TMEM232: variants seen among roughly 807,000 people sequenced by gnomAD.
The protein encoded by TMEM232 is transmembrane protein 232.
TMEM232 carries 80 observed loss-of-function variants against 78.8 expected under a neutral mutation model. The observed-to-expected ratio is 1.01, with a 90% CI of 0.85 to 1.22. The LOEUF (loss-of-function observed/expected upper bound fraction) is 1.22, where lower values mean the gene tolerates loss of function less well. TMEM232 is among the 50% of genes most tolerant of loss of function. TMEM232 has a pLI of 0.00. For missense variants in TMEM232, 881 were observed against 742.2 expected (o/e 1.19, Z -2.17); for synonymous variants, 297 against 254.3 (o/e 1.17, Z -1.60).
In TMEM232 at chr5:110,718,678, A is replaced by G. The variant is rs1797271595; in HGVS notation, c.-13+7949T>C. ...GTTTTTTGCCATTATCTCCTTGAAT[A>G]TTTTTTATACTCCTTTCTCTTTCTC... On this transcript the variant is annotated intron_variant, in intron 1 of 13. Coordinates refer to ENST00000455884, the MANE Select transcript of TMEM232 (RefSeq NM_001039763.4). 2.0e-5 allele frequency among the ~76,000 whole-genome samples: 3 copies of G among 151,964 alleles called. No homozygotes were observed. In the South Asian group the frequency reaches 6.2e-4, roughly 32 times the overall value.
chr5:110,679,999 G>T (rs980278755), intron 1 of TMEM232, among the ~76,000 whole-genome samples: 30 of 152,206 alleles, frequency 2.0e-4, no homozygotes, highest in Middle Eastern at 3.4e-3. Flanking sequence ...TCATATGTCT[G>T]CTGATTCCTT....
intron 2 of TMEM232, among the ~76,000 whole-genome samples, chr5:110,650,768 G>C (rs1444265215): frequency 6.6e-6 from 1 of 151,882 alleles, no homozygotes; most frequent in Non-Finnish European, 1.5e-5. Context: ...TCCTGGAACA[G>C]AAAAAAGGAA....
intron 12 of TMEM232, among the ~76,000 whole-genome samples, chr5:110,446,736 A>G (rs1759688104): frequency 6.6e-6 from 1 of 152,208 alleles, no homozygotes. Flanking sequence ...ATTGTGAGGT[A>G]CATTAGAAAT....
At chr5:110,610,074 T>C (rs1334540280) in intron 8 of TMEM232, among the ~76,000 whole-genome samples, 1 of 151,872 alleles carries the variant, frequency 6.6e-6, no homozygotes, top group Non-Finnish European at 1.5e-5. Flanking sequence ...AATTAAAATG[T>C]AAAAATATAA....
intron 11 of TMEM232, among the ~76,000 whole-genome samples, chr5:110,542,997 C>A (rs1297192807): frequency 2.6e-5 from 4 of 152,140 alleles, no homozygotes; most frequent in African/African-American, 9.7e-5. Context: ...TTGCTCAAGC[C>A]TGCTCCCACC....
At chr5:110,702,505 G>A (rs1455974998) in intron 1 of TMEM232, among the ~76,000 whole-genome samples, 1 of 151,990 alleles carries the variant, frequency 6.6e-6, no homozygotes, top group Non-Finnish European at 1.5e-5. Context: ...TCTGTTAGCA[G>A]ACTGGATTCT....
chr5:110,483,256 A>G (rs1010700796), intron 12 of TMEM232, among the ~76,000 whole-genome samples: 5 of 152,136 alleles, frequency 3.3e-5, no homozygotes, highest in African/African-American at 1.2e-4. Context: ...ATTTTTTATA[A>G]GTTATAATAT....
At chr5:110,694,926 T>G (rs996066807) in intron 1 of TMEM232, among the ~76,000 whole-genome samples, 9 of 152,268 alleles carry the variant, frequency 5.9e-5, no homozygotes, top group South Asian at 4.1e-4. Context: ...ATCCTGGAAT[T>G]GAACACAGCT....
At position 110,715,346 on chromosome 5, in the gene TMEM232, C is replaced by A. The variant is rs1010404628; in HGVS notation, c.-13+11281G>T. Among the ~76,000 whole-genome samples, 3 of 151,454 alleles carry A rather than the reference C, an allele frequency of 2.0e-5. No homozygotes were observed. In the South Asian group the frequency reaches 6.3e-4, roughly 32 times the overall value. Reference sequence around the variant, plus strand: ...AATTAAAAGGACTAAGAAAAGCAAGCAAAAGTATAGAGACTAAATGTAAAT... The same window carrying A: ...AATTAAAAGGACTAAGAAAAGCAAGAAAAAGTATAGAGACTAAATGTAAAT... On this transcript the variant is annotated intron_variant, in intron 1 of 13. Coordinates refer to ENST00000455884, the MANE Select transcript of TMEM232 (RefSeq NM_001039763.4).
chr5:110,557,821 A>C (rs1335223645), intron 11 of TMEM232, among the ~76,000 whole-genome samples: 14 of 152,150 alleles, frequency 9.2e-5, no homozygotes, highest in Admixed American at 7.9e-4. Flanking sequence ...ACAATTGAAC[A>C]TGAGACTTGG....
chr5:110,582,387 C>T (rs1581296704), intron 10 of TMEM232, among the ~76,000 whole-genome samples: 1 of 151,836 alleles, frequency 6.6e-6, no homozygotes, highest in Admixed American at 6.6e-5. Context: ...AAACCATTAT[C>T]CCAAGCAAAT....
chr5:110,635,642 A>G (rs1048413315), intron 5 of TMEM232, among the ~76,000 whole-genome samples: 9 of 152,082 alleles, frequency 5.9e-5, no homozygotes, highest in African/African-American at 2.2e-4. Context: ...TTCATGATAA[A>G]AAGTCTCCAG....
chr5:110,430,896 CA>C (rs1348905278), intron 12 of TMEM232, among the ~76,000 whole-genome samples: 5 of 151,540 alleles, frequency 3.3e-5, no homozygotes, highest in African/African-American at 1.2e-4. Context: ...TTTGAAAGGC[CA>C]ATGTATCAGA....
At chr5:110,722,442 G>T (rs1797738736) in intron 1 of TMEM232, among the ~76,000 whole-genome samples, 2 of 152,228 alleles carry the variant, frequency 1.3e-5, no homozygotes, top group East Asian at 3.9e-4. Flanking sequence ...GAGTTGACTA[G>T]GATTGTAGGA....
chr5:110,607,359 A>G (rs1327733309), intron 8 of TMEM232, among the ~76,000 whole-genome samples: 2 of 151,896 alleles, frequency 1.3e-5, no homozygotes, highest in Non-Finnish European at 2.9e-5. Context: ...CTGTCTTGCA[A>G]TTCTGCTTTT....
chr5:110,453,165 A>C (rs1355065863), intron 12 of TMEM232, among the ~76,000 whole-genome samples: 1 of 152,096 alleles, frequency 6.6e-6, no homozygotes, highest in African/African-American at 2.4e-5. Flanking sequence ...TTTATAACTT[A>C]TTTTTGGCCC....
Position 110,642,382 on chromosome 5 carries a change from C to T in TMEM232, c.126-11G>A. On this transcript the variant is annotated splice_polypyrimidine_tract_variant and intron_variant, in intron 2 of 13. Transcript: ENST00000455884. ...ATTGAAAATGTTGGCCTAAATAAAA[C>T]ATTGAAAAATTAACATTTAAAAAGT... 6.8e-7 allele frequency: 1 copy of T among 1,480,604 alleles called. No homozygotes were observed. Among genetic ancestry groups the T allele is most frequent in the Non-Finnish European group, 9.0e-7 (1 of 1,116,396 alleles). 91.7% of individuals were successfully genotyped at this position (1,480,604 alleles called of 1,614,324 possible).
chr5:110,711,042 G>A (rs1033338170), intron 1 of TMEM232, among the ~76,000 whole-genome samples: 3 of 152,132 alleles, frequency 2.0e-5, no homozygotes, highest in Non-Finnish European at 2.9e-5. Flanking sequence ...AAAACGATTA[G>A]AACTGACGAA....
chr5:110,427,201 G>A (rs1372105078), intron 12 of TMEM232, among the ~76,000 whole-genome samples: 1 of 151,784 alleles, frequency 6.6e-6, no homozygotes, highest in Non-Finnish European at 1.5e-5. Context: ...AGCAAATTCT[G>A]GTTTTACTAC....
Sources: allele counts gnomAD v4.1 joint callset (sites outside exome capture counted in the v4.1 genomes callset), GRCh38; gene constraint gnomAD v4.1.1; transcripts MANE v1.5; gene names NCBI Gene and HGNC (gene_info 2026-07-23, HGNC 2026-07-21).